GSK3B: variants seen among roughly 807,000 people sequenced by gnomAD.
The protein encoded by GSK3B is glycogen synthase kinase 3 beta, also known as glycogen synthase kinase-3 beta.
A neutral mutation model predicts 56.4 loss-of-function variants in GSK3B; 15 were observed. That is an observed-to-expected ratio of 0.27 (90% CI 0.18 to 0.41). The LOEUF (loss-of-function observed/expected upper bound fraction) is 0.41. Ranked by LOEUF, GSK3B falls within the 10% of genes least tolerant of loss-of-function variation. The probability of loss-of-function intolerance (pLI) is 1.00; values close to 1 mark genes in which losing one functional copy is unlikely to be tolerated. For missense variants in GSK3B, 300 were observed against 513.4 expected (o/e 0.58, Z 4.02); for synonymous variants, 181 against 188.9 (o/e 0.96, Z 0.34).
chr3:119,991,557 C>T (rs140305043), intron 2 of GSK3B, among the ~76,000 whole-genome samples: 80 of 145,422 alleles, frequency 5.5e-4, no homozygotes, highest in African/African-American at 2.0e-3. Flanking sequence ...TAGGAGATTT[C>T]GCAGGTTGGT....
chr3:119,906,677 A>C (rs957440716), intron 6 of GSK3B, among the ~76,000 whole-genome samples: 1 of 152,012 alleles, frequency 6.6e-6, no homozygotes, highest in Non-Finnish European at 1.5e-5. Flanking sequence ...GACTTCCTAC[A>C]AGAAAAGGCT....
At chr3:119,996,324 T>C (rs979238187) in intron 2 of GSK3B, among the ~76,000 whole-genome samples, 1 of 152,220 alleles carries the variant, frequency 6.6e-6, no homozygotes, top group South Asian at 2.1e-4. Flanking sequence ...TTAGATCTAC[T>C]ATTTTGTTAC....
At chr3:119,974,676 T>C (rs2057395457) in intron 2 of GSK3B, among the ~76,000 whole-genome samples, 1 of 152,212 alleles carries the variant, frequency 6.6e-6, no homozygotes, top group South Asian at 2.1e-4. Flanking sequence ...CCTGAACAGA[T>C]ACCTCATCAA....
At chr3:119,876,586 C>A in intron 7 of GSK3B, 78 bp from the exon 8 acceptor site, 1 of 799,680 alleles carries the variant, frequency 1.3e-6, no homozygotes, top group South Asian at 1.5e-5. Flanking sequence ...GCATTGGATT[C>A]ACTGAAAAAA....
At chr3:119,964,967 C>G (rs1225743289) in intron 2 of GSK3B, among the ~76,000 whole-genome samples, 1 of 151,308 alleles carries the variant, frequency 6.6e-6, no homozygotes, top group East Asian at 1.9e-4. Context: ...GATCTAAAAG[C>G]TCATTTTTAA....
chr3:120,005,859 T>C (rs188680217), intron 1 of GSK3B, among the ~76,000 whole-genome samples: 4 of 152,078 alleles, frequency 2.6e-5, no homozygotes, highest in Admixed American at 2.0e-4. Flanking sequence ...TAAGAAGAAA[T>C]TGCATCAATT....
intron 4 of GSK3B, among the ~76,000 whole-genome samples, chr3:119,917,615 G>A (rs1190256638): frequency 6.6e-6 from 1 of 150,502 alleles, no homozygotes; most frequent in Non-Finnish European, 1.5e-5. Flanking sequence ...ACTGTGTCAG[G>A]GTATTGATGT....
intron 1 of GSK3B, among the ~76,000 whole-genome samples, chr3:120,082,700 T>C (rs2058431854): frequency 6.6e-6 from 1 of 152,036 alleles, no homozygotes; most frequent in African/African-American, 2.4e-5. Flanking sequence ...GGCCCCCAAA[T>C]TAGTATGTTC....
chr3:119,874,162 G>T (rs1210320139), intron 8 of GSK3B, among the ~76,000 whole-genome samples: 1 of 152,098 alleles, frequency 6.6e-6, no homozygotes, highest in Non-Finnish European at 1.5e-5. Flanking sequence ...GCGTTAGAGA[G>T]ATATAATTCA....
chr3:120,029,757 T>C (rs2057959433), intron 1 of GSK3B: 2 of 555,650 alleles, frequency 3.6e-6, no homozygotes, highest in Admixed American at 3.8e-5. Context: ...CTTTGGAATA[T>C]GGTATGTTAC....
At chr3:120,041,302 T>C in intron 1 of GSK3B, 2 of 294,206 alleles carry the variant, frequency 6.8e-6, no homozygotes, top group Non-Finnish European at 1.4e-5. Flanking sequence ...GTAGATAACC[T>C]TCCAGCTGAT....
rs976286949 is a variant in GSK3B at position 119,863,351 on chromosome 3, G to C, written c.1096+68C>G. On this transcript the variant is annotated intron_variant, in intron 9 of 10. Transcript: ENST00000264235. Reference sequence around the variant, plus strand: ...TGTCCTCCACAGATTTTAATTAATAGAATGTCATTTCACACCCAGGGTGTA... The same window carrying C: ...TGTCCTCCACAGATTTTAATTAATACAATGTCATTTCACACCCAGGGTGTA... The C allele has an allele frequency of 3.2e-6, 4 of 1,231,276 alleles. No homozygotes were observed. The African/African-American group carries it at 5.9e-5, about 18-fold the overall frequency. The allele number at this position is 1,231,276 out of a possible 1,614,324, so 76.3% of individuals were successfully genotyped here. A position where few individuals can be genotyped will look rare whatever the true frequency, so the allele number is the denominator to read the frequency against.
At chr3:119,897,800 AAAAAAAAAAAAG>A (rs2056583893) in intron 7 of GSK3B, among the ~76,000 whole-genome samples, 1 of 151,438 alleles carries the variant, frequency 6.6e-6, no homozygotes, top group South Asian at 2.1e-4. Context: ...TCTCAAAAAA[AAAAAAAAAAAAG>A]AAAAAGAAAA....
chr3:120,046,011 G>C (rs1157412025), intron 1 of GSK3B, among the ~76,000 whole-genome samples: 3 of 152,056 alleles, frequency 2.0e-5, no homozygotes, highest in Non-Finnish European at 1.5e-5. Context: ...TCCAACTATA[G>C]GACATTCTGA....
intron 10 of GSK3B, among the ~76,000 whole-genome samples, chr3:119,837,315 C>T (rs536960304): frequency 1.4e-3 from 162 of 112,720 alleles, no homozygotes; most frequent in African/African-American, 4.5e-3. Flanking sequence ...CTACTACGCC[C>T]GGCTAATTTT....
intron 2 of GSK3B, among the ~76,000 whole-genome samples, chr3:119,972,475 G>T (rs1342719129): frequency 6.6e-6 from 1 of 152,192 alleles, no homozygotes; most frequent in Non-Finnish European, 1.5e-5. Flanking sequence ...TCGCTCTGTA[G>T]TCCAGCCTGG....
chr3:119,859,423 C>T (rs1426607329), intron 9 of GSK3B, among the ~76,000 whole-genome samples: 2 of 152,062 alleles, frequency 1.3e-5, no homozygotes, highest in African/African-American at 4.8e-5. Flanking sequence ...ATCATTGTTA[C>T]AAATATGGAA....
intron 2 of GSK3B, among the ~76,000 whole-genome samples, chr3:119,990,251 C>T (rs2107465321): frequency 6.6e-6 from 1 of 152,164 alleles, no homozygotes; most frequent in South Asian, 2.1e-4. Flanking sequence ...GATAACCTCC[C>T]CTCCTCCCAG....
intron 2 of GSK3B, among the ~76,000 whole-genome samples, chr3:119,968,088 C>A (rs1472486717): frequency 2.0e-5 from 3 of 152,104 alleles, no homozygotes; most frequent in Non-Finnish European, 2.9e-5. Flanking sequence ...ATCTCTTGAC[C>A]CTGTGATCCT....
Sources: gnomAD v4.1 joint callset for allele counts (sites outside exome capture counted in the v4.1 genomes callset) on GRCh38, gnomAD v4.1.1 for gene constraint, MANE v1.5 for transcripts, NCBI Gene and HGNC (gene_info 2026-07-23, HGNC 2026-07-21) for gene names.